Variants in UST observed in about 807,000 individuals in gnomAD.
The protein encoded by UST is uronyl 2-sulfotransferase.
UST carries 21 observed loss-of-function variants against 45.6 expected under a neutral mutation model. That is an observed-to-expected ratio of 0.46 (90% CI 0.33 to 0.66). UST has a LOEUF of 0.66. Among genes scored for constraint, UST ranks in the 30% least tolerant of loss-of-function variants. UST has a pLI of 0.02. For synonymous variants in UST, 215 were observed against 200.6 expected (o/e 1.07, Z -0.61); for missense variants, 463 against 512.4 (o/e 0.90, Z 0.93).
At chr6:148,851,286 C>CAT (rs1778099845) in intron 1 of UST, among the ~76,000 whole-genome samples, 1 of 152,098 alleles carries the variant, frequency 6.6e-6, no homozygotes, top group Non-Finnish European at 1.5e-5. Flanking sequence ...TATACACACA[C>CAT]ATATATATAC....
chr6:148,827,001 A>G (rs1403176143), intron 1 of UST, among the ~76,000 whole-genome samples: 2 of 152,124 alleles, frequency 1.3e-5, no homozygotes, highest in African/African-American at 4.8e-5. Flanking sequence ...TTTGCCATGC[A>G]AGGTAATACA....
At chr6:148,942,509 G>C (rs1368722043) in intron 3 of UST, among the ~76,000 whole-genome samples, 1 of 152,104 alleles carries the variant, frequency 6.6e-6, no homozygotes, top group Non-Finnish European at 1.5e-5. Context: ...AGTGAGTCAA[G>C]ATTGCACCAC....
intron 5 of UST, among the ~76,000 whole-genome samples, chr6:149,001,245 T>C (rs1781545030): frequency 6.6e-6 from 1 of 152,090 alleles, no homozygotes; most frequent in Non-Finnish European, 1.5e-5. Flanking sequence ...CTAATTTTTT[T>C]GTATTTTTAG....
At chr6:148,962,846 A>G (rs1440900096) in intron 4 of UST, among the ~76,000 whole-genome samples, 3 of 152,220 alleles carry the variant, frequency 2.0e-5, no homozygotes, top group African/African-American at 2.4e-5. Flanking sequence ...TAAACCAGGA[A>G]CAACATTATA....
intron 1 of UST, among the ~76,000 whole-genome samples, chr6:148,866,738 G>A (rs540869685): frequency 1.3e-5 from 2 of 151,892 alleles, no homozygotes; most frequent in Non-Finnish European, 2.9e-5. Flanking sequence ...TTATAACCCC[G>A]TGTTATTGTT....
At chr6:149,017,032 A>C (rs1775907931) in intron 5 of UST, among the ~76,000 whole-genome samples, 1 of 152,226 alleles carries the variant, frequency 6.6e-6, no homozygotes, top group South Asian at 2.1e-4. Flanking sequence ...CGCCCGCACA[A>C]GCTTTGGTTT....
chr6:148,805,670 C>T (rs1448676172), intron 1 of UST, among the ~76,000 whole-genome samples: 3 of 152,198 alleles, frequency 2.0e-5, no homozygotes, highest in Admixed American at 2.0e-4. Context: ...AATTTTCCAA[C>T]AGCATTCAGA....
At chr6:148,938,368 C>T (rs1478313201) in intron 2 of UST, among the ~76,000 whole-genome samples, 1 of 152,070 alleles carries the variant, frequency 6.6e-6, no homozygotes, top group African/African-American at 2.4e-5. Flanking sequence ...AAAAATTGCA[C>T]CAAAATGGCA....
At chr6:148,846,650 A>G (rs773292312) in intron 1 of UST, among the ~76,000 whole-genome samples, 1 of 152,240 alleles carries the variant, frequency 6.6e-6, no homozygotes, top group Non-Finnish European at 1.5e-5. Flanking sequence ...CCTCTTTCCC[A>G]TTTGACTTTG....
intron 5 of UST, among the ~76,000 whole-genome samples, chr6:149,008,098 T>C (rs1775745851): frequency 6.6e-6 from 1 of 152,144 alleles, no homozygotes; most frequent in African/African-American, 2.4e-5. Flanking sequence ...AGCTAACTTA[T>C]TTAGTGAGAG....
chr6:148,758,074 C>T (rs1426420808), intron 1 of UST, among the ~76,000 whole-genome samples: 1 of 152,222 alleles, frequency 6.6e-6, no homozygotes, highest in Non-Finnish European at 1.5e-5. Context: ...TTCCCTTTAA[C>T]TCCCTCTTCA....
At chr6:148,844,211 T>G (rs1777940586) in intron 1 of UST, among the ~76,000 whole-genome samples, 1 of 152,216 alleles carries the variant, frequency 6.6e-6, no homozygotes, top group African/African-American at 2.4e-5. Context: ...TGCAATGTGC[T>G]AGACATTAAA....
intron 5 of UST, among the ~76,000 whole-genome samples, chr6:148,977,303 T>C (rs558246885): frequency 2.6e-5 from 4 of 151,976 alleles, no homozygotes; most frequent in Admixed American, 6.5e-5. Context: ...AGTTTTATTA[T>C]GTAATATGCA....
chr6:149,061,476 T>C (rs536215377), intron 7 of UST, among the ~76,000 whole-genome samples: 28 of 152,350 alleles, frequency 1.8e-4, no homozygotes, highest in African/African-American at 6.7e-4. Flanking sequence ...ATCGTGCTTG[T>C]CACTGCCCAG....
chr6:148,855,108 G>C (rs751824474), intron 1 of UST, among the ~76,000 whole-genome samples: 5 of 152,182 alleles, frequency 3.3e-5, no homozygotes, highest in African/African-American at 4.8e-5. Flanking sequence ...TCACTATCAC[G>C]AGAACAGCAC....
intron 2 of UST, among the ~76,000 whole-genome samples, chr6:148,938,989 C>CA (rs1477371688): frequency 6.6e-6 from 1 of 151,688 alleles, no homozygotes; most frequent in African/African-American, 2.4e-5. Flanking sequence ...AGAATCCACA[C>CA]AAAAAAACTA....
At chr6:149,013,447 A>C (rs1775848214) in intron 5 of UST, among the ~76,000 whole-genome samples, 1 of 151,716 alleles carries the variant, frequency 6.6e-6, no homozygotes, top group African/African-American at 2.4e-5. Context: ...AATCATTTGA[A>C]CCCAGGAGGC....
At chr6:148,920,327 C>G (rs972578080) in intron 2 of UST, among the ~76,000 whole-genome samples, 7 of 148,594 alleles carry the variant, frequency 4.7e-5, no homozygotes, top group African/African-American at 1.0e-4. Context: ...AATTGCTGTA[C>G]GTTTTGAGAC....
intron 1 of UST, among the ~76,000 whole-genome samples, chr6:148,851,258 GTATGTATAA>G (rs918291801): frequency 2.1e-4 from 32 of 152,090 alleles, no homozygotes; most frequent in Non-Finnish European, 3.7e-4. Context: ...ACTTTAAGAA[GTATGTATAA>G]TATATTTGTA....
Sources: gnomAD v4.1 joint callset for allele counts (sites outside exome capture counted in the v4.1 genomes callset) on GRCh38, gnomAD v4.1.1 for gene constraint, MANE v1.5 for transcripts, NCBI Gene and HGNC (gene_info 2026-07-23, HGNC 2026-07-21) for gene names.